Variants in SLC25A13 observed in about 807,000 individuals in gnomAD.
SLC25A13 encodes the protein solute carrier family 25 member 13, also known as electrogenic aspartate/glutamate antiporter SLC25A13, mitochondrial.
SLC25A13 carries 70 observed loss-of-function variants against 85.5 expected under a neutral mutation model. That is an observed-to-expected ratio of 0.82 (90% CI 0.68 to 1.00). The LOEUF (loss-of-function observed/expected upper bound fraction) is 1.00, where lower values mean the gene tolerates loss of function less well. SLC25A13 is among the 50% of genes least tolerant of loss of function. SLC25A13 has a pLI of 0.00. For synonymous variants in SLC25A13, 259 were observed against 288.7 expected (o/e 0.90, Z 1.04); for missense variants, 765 against 819.8 (o/e 0.93, Z 0.82).
chr7:96,301,626 T>C (rs1799550454), intron 1 of SLC25A13, among the ~76,000 whole-genome samples: 2 of 151,106 alleles, frequency 1.3e-5, no homozygotes, highest in Non-Finnish European at 2.9e-5. Context: ...AGGGTTTTGG[T>C]GTTTTGTTTT....
At chr7:96,168,115 A>AGG (rs1793841277) in intron 13 of SLC25A13, among the ~76,000 whole-genome samples, 1 of 141,882 alleles carries the variant, frequency 7.0e-6, no homozygotes, top group Non-Finnish European at 1.5e-5. Flanking sequence ...AAAAAAAAAA[A>AGG]AAAAAAAAAA....
At chr7:96,207,175 C>A (rs943782438) in intron 5 of SLC25A13, among the ~76,000 whole-genome samples, 2 of 152,074 alleles carry the variant, frequency 1.3e-5, no homozygotes, top group Non-Finnish European at 2.9e-5. Flanking sequence ...TTAAAAAATA[C>A]AAAGGCAGGT....
chr7:96,289,575 G>C lies in SLC25A13; in HGVS notation c.69+7323C>G, dbSNP rs546335569. Among the ~76,000 whole-genome samples the C allele has an allele frequency of 5.3e-5, 8 of 152,176 alleles. No individual in the cohort carries two copies. The South Asian group carries it at 1.7e-3, about 32-fold the overall frequency. On this transcript the variant is annotated intron_variant, in intron 2 of 17. Coordinates refer to ENST00000265631, the MANE Select transcript of SLC25A13 (RefSeq NM_014251.3). ...AGAGAAGTCCTTAAATGACCTGATGGAGCTGAAAACCATGGCACAAGAACT... is the reference window on the plus strand; with the variant it reads ...AGAGAAGTCCTTAAATGACCTGATGCAGCTGAAAACCATGGCACAAGAACT...
At chr7:96,172,089 T>A (rs1000865627) in intron 11 of SLC25A13, among the ~76,000 whole-genome samples, 1 of 152,222 alleles carries the variant, frequency 6.6e-6, no homozygotes, top group Non-Finnish European at 1.5e-5. Context: ...TTTTCTAATT[T>A]ATCTATGTAA....
At chr7:96,236,335 G>T (rs539800877) in intron 3 of SLC25A13, among the ~76,000 whole-genome samples, 15 of 151,904 alleles carry the variant, frequency 9.9e-5, no homozygotes, top group Admixed American at 4.6e-4. Context: ...AGGCAAGAAG[G>T]GGGGCAAATA....
At chr7:96,181,844 T>A (rs1315917579) in intron 11 of SLC25A13, among the ~76,000 whole-genome samples, 1 of 152,212 alleles carries the variant, frequency 6.6e-6, no homozygotes, top group Admixed American at 6.5e-5. Flanking sequence ...TACTATATTT[T>A]CCTAATTTAA....
At chr7:96,212,096 G>A (rs1409659253) in intron 4 of SLC25A13, among the ~76,000 whole-genome samples, 1 of 4,346 alleles carries the variant, frequency 2.3e-4, no homozygotes, top group Non-Finnish European at 0.02. Context: ...CACAGATCAT[G>A]TGTGACCTAG....
intron 7 of SLC25A13, among the ~76,000 whole-genome samples, chr7:96,190,810 A>C (rs1289280098): frequency 4.6e-5 from 7 of 151,864 alleles, no homozygotes; most frequent in African/African-American, 1.7e-4. Flanking sequence ...ACAGGGTTTC[A>C]CCCTCTTGGC....
intron 13 of SLC25A13, among the ~76,000 whole-genome samples, chr7:96,162,170 G>A (rs1430979103): frequency 2.0e-5 from 3 of 152,134 alleles, no homozygotes; most frequent in Non-Finnish European, 2.9e-5. Context: ...GAAAAAGATC[G>A]CGAAGTAAGA....
intron 11 of SLC25A13, among the ~76,000 whole-genome samples, chr7:96,179,208 A>G (rs535925681): frequency 1.3e-5 from 2 of 152,344 alleles, no homozygotes; most frequent in African/African-American, 4.8e-5. Context: ...GTTTTTCACC[A>G]TAGTACATGA....
chr7:96,280,416 C>A (rs1250288311), intron 2 of SLC25A13, among the ~76,000 whole-genome samples: 1 of 151,908 alleles, frequency 6.6e-6, no homozygotes, highest in African/African-American at 2.4e-5. Context: ...CACTGAAATG[C>A]AAAATAAAAC....
intron 3 of SLC25A13, among the ~76,000 whole-genome samples, chr7:96,243,432 C>T (rs1337014763): frequency 6.6e-6 from 1 of 152,114 alleles, no homozygotes; most frequent in African/African-American, 2.4e-5. Context: ...CATAAAAATT[C>T]CAGAATTAGA....
At chr7:96,146,183 C>T (rs976169793) in intron 14 of SLC25A13, among the ~76,000 whole-genome samples, 12 of 152,094 alleles carry the variant, frequency 7.9e-5, no homozygotes, top group African/African-American at 2.9e-4. Context: ...AAACATGGAT[C>T]GGACCATATG....
chr7:96,136,769 G>T (rs1461080807), intron 14 of SLC25A13, among the ~76,000 whole-genome samples: 1 of 152,156 alleles, frequency 6.6e-6, no homozygotes, highest in African/African-American at 2.4e-5. Flanking sequence ...TCTGTGTCGG[G>T]CCGGGCACCA....
At chr7:96,239,397 T>G (rs1397176741) in intron 3 of SLC25A13, among the ~76,000 whole-genome samples, 1 of 151,204 alleles carries the variant, frequency 6.6e-6, no homozygotes, top group Non-Finnish European at 1.5e-5. Context: ...TATATATATA[T>G]AGACAAACAG....
chr7:96,143,575 A>T (rs1052706160), intron 14 of SLC25A13, among the ~76,000 whole-genome samples: 3 of 152,178 alleles, frequency 2.0e-5, no homozygotes, highest in African/African-American at 7.2e-5. Context: ...AGCATTTTAG[A>T]GGGGGGCTTT....
chr7:96,128,862 C>G (rs1260340602), intron 15 of SLC25A13, among the ~76,000 whole-genome samples: 2 of 151,186 alleles, frequency 1.3e-5, no homozygotes, highest in African/African-American at 2.4e-5. Flanking sequence ...GATCTGCACC[C>G]TTGTGACATT....
intron 4 of SLC25A13, among the ~76,000 whole-genome samples, chr7:96,225,130 G>A (rs1796284730): frequency 6.6e-6 from 1 of 152,200 alleles, no homozygotes; most frequent in Non-Finnish European, 1.5e-5. Flanking sequence ...ATGAGATTAT[G>A]TAAAACCACA....
intron 6 of SLC25A13, among the ~76,000 whole-genome samples, chr7:96,192,352 T>C (rs532597560): frequency 6.6e-6 from 1 of 152,324 alleles, no homozygotes; most frequent in Admixed American, 6.5e-5. Context: ...TTTACAAAAT[T>C]AGATTCTAAG....
Sources: gnomAD v4.1 joint callset for allele counts (sites outside exome capture counted in the v4.1 genomes callset) on GRCh38, gnomAD v4.1.1 for gene constraint, MANE v1.5 for transcripts, NCBI Gene and HGNC (gene_info 2026-07-23, HGNC 2026-07-21) for gene names.